Variants in PMS1 observed in about 807,000 individuals in gnomAD.
The protein encoded by PMS1 is PMS1 protein homolog 1.
PMS1 carries 79 observed loss-of-function variants against 93.1 expected under a neutral mutation model. That is an observed-to-expected ratio of 0.85 (90% CI 0.71 to 1.02). The LOEUF is 1.02. PMS1 is among the 50% of genes least tolerant of loss of function. PMS1 has a pLI of 0.00. For missense variants in PMS1, 1,064 were observed against 1,085.3 expected, an observed-to-expected ratio of 0.98 and a Z score of 0.28; for synonymous variants, 335 against 363.4, an observed-to-expected ratio of 0.92 and a Z score of 0.89.
Position 189,834,687 on chromosome 2 carries a change from G to A in PMS1, c.583-9277G>A, listed in dbSNP as rs2053236936. 3.3e-5 allele frequency among the ~76,000 whole-genome samples: 5 copies of A among 152,166 alleles called. No homozygotes were observed. In the South Asian group the frequency reaches 1.0e-3, roughly 31 times the overall value. ...ACAATATCCCTTTGAAAGTTATGCA[G>A]AGATTAACTTTATACCTTTACATTT... is the stretch of plus-strand genomic sequence containing the variant. On this transcript the variant is annotated intron_variant, in intron 5 of 12. Transcript: ENST00000441310.
In PMS1 at chr2:189,855,317, C is replaced by G. The variant is rs578017126; in HGVS notation, c.1856+189C>G. On this transcript the variant is annotated intron_variant, in intron 9 of 12. Transcript: ENST00000441310. ...TGCTAATTTAGGTTTTTTGTTGGGG[C>G]GGGGGCTTGTATTATTTTGTTTTTT... Among the ~76,000 whole-genome samples, 178 of 145,424 alleles carry G rather than the reference C, an allele frequency of 1.2e-3. 1 individual carries two copies. Among genetic ancestry groups the G allele is most frequent in the African/African-American group, 4.5e-3 (167 of 37,414 alleles).
chr2:189,808,648 A>G (rs1480531779), intron 4 of PMS1, among the ~76,000 whole-genome samples: 1 of 152,098 alleles, frequency 6.6e-6, no homozygotes, highest in Non-Finnish European at 1.5e-5. Context: ...CATATTTTAC[A>G]ATGTTTAAAA....
chr2:189,827,117 A>C (rs1273311834), intron 5 of PMS1, among the ~76,000 whole-genome samples: 1 of 152,186 alleles, frequency 6.6e-6, no homozygotes, highest in Admixed American at 6.5e-5. Context: ...AGTTGAGGGG[A>C]AACACTTGAT....
At chr2:189,873,267 G>A (rs1048356169) in intron 11 of PMS1, among the ~76,000 whole-genome samples, 6 of 152,140 alleles carry the variant, frequency 3.9e-5, no homozygotes, top group Admixed American at 6.5e-5. Flanking sequence ...CAATAACTGG[G>A]ATTAAGTTAA....
chr2:189,864,687 AATATATATATATATATAT>A (rs1220402323), intron 10 of PMS1, among the ~76,000 whole-genome samples: 507 of 18,212 alleles, frequency 0.028, 33 homozygotes, highest in African/African-American at 0.077. Context: ...AAAAAAAAAA[AATATATATATATATATAT>A]ATATATATAT....
At chr2:189,806,122 G>A (rs190790182) in intron 4 of PMS1, 2 of 415,638 alleles carry the variant, frequency 4.8e-6, no homozygotes, top group South Asian at 4.4e-5. Context: ...GGAAATAAAC[G>A]ATACCATCAA....
At chr2:189,834,705 T>G (rs1392828724) in intron 5 of PMS1, among the ~76,000 whole-genome samples, 1 of 152,208 alleles carries the variant, frequency 6.6e-6, no homozygotes, top group Non-Finnish European at 1.5e-5. Context: ...CTTTATACCT[T>G]TACATTTTTA....
At chr2:189,834,379 A>G (rs1379718139) in intron 5 of PMS1, among the ~76,000 whole-genome samples, 2 of 152,220 alleles carry the variant, frequency 1.3e-5, no homozygotes, top group Non-Finnish European at 2.9e-5. Context: ...TGTATCTTAC[A>G]TGGGAATGTG....
intron 4 of PMS1, chr2:189,806,857 C>G (rs540437602): frequency 7.2e-4 from 152 of 212,030 alleles, no homozygotes; most frequent in Middle Eastern, 3.0e-3. Flanking sequence ...GAGTCATGTT[C>G]AAAATAATTA....
rs879271333 is a variant in PMS1 at position 189,818,177 on chromosome 2, C to T, written c.579C>T (p.Asn193=). 2 of 1,568,066 alleles carry T rather than the reference C, an allele frequency of 1.3e-6. No individual in the cohort carries two copies. The highest frequency in any genetic ancestry group is 2.7e-5 in the African/African-American group (2 of 74,042). Residue 193 remains asparagine (N), a synonymous_variant, in exon 5 of 13, where the codon AAC becomes AAT. Coordinates refer to ENST00000441310, the MANE Select transcript of PMS1 (RefSeq NM_000534.5). The stretch of plus-strand genomic sequence containing the variant: ...ACTTAAGGATTGTCTTTGTACATAA[C>T]AAGGTAAACATTATTTTATCTTTAT... The part of the protein sequence containing the change: ...KPDLRIVFVH[N]KAVIWQKSRV...
chr2:189,789,371 T>C (rs2048643107), intron 1 of PMS1, among the ~76,000 whole-genome samples: 1 of 152,202 alleles, frequency 6.6e-6, no homozygotes, highest in Admixed American at 6.5e-5. Flanking sequence ...TATGGAGGGA[T>C]TTCAGTGATT....
At chr2:189,805,884 T>A in intron 4 of PMS1, 130 bp downstream of exon 4, 4 of 1,542,062 alleles carry the variant, frequency 2.6e-6, no homozygotes, top group Non-Finnish European at 3.5e-6. Context: ...GCTAGTTAAC[T>A]TCCAAGTAAA....
chr2:189,814,908 T>C (rs2051146254), intron 4 of PMS1, among the ~76,000 whole-genome samples: 2 of 151,834 alleles, frequency 1.3e-5, no homozygotes, highest in South Asian at 4.2e-4. Context: ...CCATCCTGGC[T>C]AACATGGTGA....
chr2:189,856,447 C>T (rs1039197850), intron 9 of PMS1, among the ~76,000 whole-genome samples: 2 of 151,964 alleles, frequency 1.3e-5, no homozygotes, highest in Non-Finnish European at 2.9e-5. Flanking sequence ...GGTATAGATT[C>T]CTTAATATAT....
At chr2:189,851,003 T>G (rs2054652323) in intron 6 of PMS1, among the ~76,000 whole-genome samples, 1 of 152,208 alleles carries the variant, frequency 6.6e-6, no homozygotes, top group Non-Finnish European at 1.5e-5. Context: ...AGGAATACAT[T>G]TGGGTACAGA....
At chr2:189,840,553 A>T (rs2106402746) in intron 5 of PMS1, among the ~76,000 whole-genome samples, 1 of 152,334 alleles carries the variant, frequency 6.6e-6, no homozygotes, top group Admixed American at 6.5e-5. Context: ...TCACTTTGAA[A>T]GCAATAATAG....
At position 189,793,857 on chromosome 2, in the gene PMS1, T is replaced by G. The variant is rs546393783; in HGVS notation, c.133-1912T>G. Among the ~76,000 whole-genome samples, 5 of 152,354 alleles carry G rather than the reference T, an allele frequency of 3.3e-5. No individual in the cohort carries two copies. The South Asian group carries it at 1.0e-3, about 32-fold the overall frequency. On this transcript the variant is annotated intron_variant, in intron 2 of 12. Coordinates refer to ENST00000441310, the MANE Select transcript of PMS1 (RefSeq NM_000534.5). The stretch of plus-strand genomic sequence containing the variant: ...CATTATGGTTTTATGCTATAATAGC[T>G]ATCCTGACTAGATATGTTTTCATAA...
intron 5 of PMS1, among the ~76,000 whole-genome samples, chr2:189,821,235 T>A (rs1027648064): frequency 6.6e-6 from 1 of 151,666 alleles, no homozygotes; most frequent in Non-Finnish European, 1.5e-5. Context: ...GGTGAGTGGA[T>A]CACGAGGTCA....
At chr2:189,844,742 T>C (rs1363075634) in intron 6 of PMS1, among the ~76,000 whole-genome samples, 2 of 151,996 alleles carry the variant, frequency 1.3e-5, no homozygotes, top group African/African-American at 4.8e-5. Context: ...AGTACTTTTT[T>C]ACTCCCTAAT....
Sources: allele counts gnomAD v4.1 joint callset (sites outside exome capture counted in the v4.1 genomes callset), GRCh38; gene constraint gnomAD v4.1.1; transcripts MANE v1.5; gene names NCBI Gene and HGNC (gene_info 2026-07-23, HGNC 2026-07-21).